GRIK1: variants seen among roughly 807,000 people sequenced by gnomAD.
The protein encoded by GRIK1 is glutamate ionotropic receptor kainate type subunit 1.
Under a neutral mutation model 105.7 loss-of-function variants are expected in GRIK1, and 69 were observed. The observed-to-expected ratio is 0.65, with a 90% CI of 0.54 to 0.80. The LOEUF (loss-of-function observed/expected upper bound fraction) is 0.80, where lower values mean the gene tolerates loss of function less well. GRIK1 is among the 30% of genes least tolerant of loss of function. The probability of loss-of-function intolerance (pLI) is 0.00; values close to 1 mark genes in which losing one functional copy is unlikely to be tolerated. For synonymous variants in GRIK1, 438 were observed against 431.3 expected, an observed-to-expected ratio of 1.02 and a Z score of -0.19; for missense variants, 1,109 against 1,167.3, an observed-to-expected ratio of 0.95 and a Z score of 0.73.
chr21:29,894,542 A>T (rs1254723151), intron 1 of GRIK1, among the ~76,000 whole-genome samples: 1 of 152,074 alleles, frequency 6.6e-6, no homozygotes, highest in Non-Finnish European at 1.5e-5. Flanking sequence ...ACCCAGACCG[A>T]GGATAGGTCT....
intron 1 of GRIK1, among the ~76,000 whole-genome samples, chr21:29,833,050 C>T (rs1348531107): frequency 6.6e-6 from 1 of 152,196 alleles, no homozygotes; most frequent in African/African-American, 2.4e-5. Context: ...TCATCACTCT[C>T]TGGTTCAAAG....
chr21:29,795,049 T>TTG (rs1388775876), intron 1 of GRIK1, among the ~76,000 whole-genome samples: 1 of 142,382 alleles, frequency 7.0e-6, no homozygotes, highest in Non-Finnish European at 1.5e-5. Flanking sequence ...TTTTTTTTTT[T>TTG]TTTTGAGATG....
intron 16 of GRIK1, among the ~76,000 whole-genome samples, chr21:29,549,856 C>T (rs1012138197): frequency 2.6e-5 from 4 of 151,862 alleles, no homozygotes; most frequent in Non-Finnish European, 5.9e-5. Flanking sequence ...GCTGTAATCT[C>T]AGCACTTTGG....
At chr21:29,890,210 A>G (rs189480614) in intron 1 of GRIK1, among the ~76,000 whole-genome samples, 86 of 152,310 alleles carry the variant, frequency 5.6e-4, no homozygotes, top group Non-Finnish European at 1.3e-4. Context: ...GATTAATTAC[A>G]AACTATGTTT....
rs140280910 is a variant in GRIK1, at chr21:29,594,215, G to A, written c.1251+2311C>T. ...TGTGTGTGTGTGTGTGTATGTGCAC[G>A]CATGTGTGTACCTGTGTCTTTTAAA... On this transcript the variant is annotated intron_variant, in intron 9 of 17. Transcript: ENST00000327783. Among the ~76,000 whole-genome samples, 243 of 152,186 alleles carry A rather than the reference G, an allele frequency of 1.6e-3. 2 individuals carry two copies. The highest frequency in any genetic ancestry group is 5.7e-3 in the African/African-American group (236 of 41,542).
chr21:29,745,978 C>T (rs1156822775), intron 1 of GRIK1, among the ~76,000 whole-genome samples: 2 of 152,104 alleles, frequency 1.3e-5, no homozygotes, highest in Non-Finnish European at 2.9e-5. Context: ...GTGGCGGGCG[C>T]CTGTAGTCCC....
chr21:29,905,949 GT>G (rs201491828), intron 1 of GRIK1, among the ~76,000 whole-genome samples: 1 of 126,348 alleles, frequency 7.9e-6, no homozygotes, highest in African/African-American at 3.3e-5. Context: ...TTTTTTGTTT[GT>G]TTGTTTGTTT....
At position 29,589,057 on chromosome 21, in the gene GRIK1, C is replaced by A; in HGVS notation, c.1366-15G>T. On this transcript the variant is annotated splice_polypyrimidine_tract_variant and intron_variant, in intron 10 of 17. Coordinates refer to ENST00000327783, the MANE Select transcript of GRIK1 (RefSeq NM_001330994.2). The stretch of plus-strand genomic sequence containing the variant: ...TAGGGTTCTTCCTAAATGAAACAAA[C>A]CAAATATGAAAACCCTGTTATAATG... The A allele has an allele frequency of 1.4e-6, 2 of 1,396,620 alleles. No homozygotes were observed. Among genetic ancestry groups the A allele is most frequent in the South Asian group, 1.2e-5 (1 of 84,014 alleles). The allele number at this position is 1,396,620 out of a possible 1,614,324, so 86.5% of individuals were successfully genotyped here. A position where few individuals can be genotyped will look rare whatever the true frequency, so the allele number is the denominator to read the frequency against.
At chr21:29,906,592 T>C (rs1303543182) in intron 1 of GRIK1, among the ~76,000 whole-genome samples, 1 of 152,162 alleles carries the variant, frequency 6.6e-6, no homozygotes, top group Non-Finnish European at 1.5e-5. Flanking sequence ...TTCATCTAGC[T>C]TTTGGTTTAT....
At chr21:29,607,896 T>G (rs1418520355) in intron 7 of GRIK1, among the ~76,000 whole-genome samples, 1 of 152,184 alleles carries the variant, frequency 6.6e-6, no homozygotes, top group South Asian at 2.1e-4. Context: ...TTTGGCAAAA[T>G]TTTTATATAA....
Position 29,560,412 on chromosome 21 carries a change from T to C in GRIK1, c.2356+1212A>G, listed in dbSNP as rs13050914. 7.1e-3 allele frequency among the ~76,000 whole-genome samples: 790 copies of C among 111,038 alleles called. 37 individuals are homozygous for C. The highest frequency in any genetic ancestry group is 0.016 in the African/African-American group (379 of 23,434). The allele number at this position is 111,038 out of a possible 152,430, so 72.8% of individuals were successfully genotyped here. A position where few individuals can be genotyped will look rare whatever the true frequency, so the allele number is the denominator to read the frequency against. ...TCCTTCCTTCCTTCCTTTCTTTCTTTCTTTCTTTCTTTCTTTCTTTCTTTC... is the reference window on the plus strand; with the variant it reads ...TCCTTCCTTCCTTCCTTTCTTTCTTCCTTTCTTTCTTTCTTTCTTTCTTTC... On this transcript the variant is annotated intron_variant, in intron 15 of 17. Transcript: ENST00000327783.
chr21:29,904,171 T>C (rs566622691), intron 1 of GRIK1, among the ~76,000 whole-genome samples: 1 of 152,110 alleles, frequency 6.6e-6, no homozygotes, highest in Admixed American at 6.5e-5. Flanking sequence ...ATACCAAATG[T>C]AGGTGACAGG....
chr21:29,641,523 C>T (rs1449060317), intron 7 of GRIK1, among the ~76,000 whole-genome samples: 1 of 152,058 alleles, frequency 6.6e-6, no homozygotes, highest in Non-Finnish European at 1.5e-5. Context: ...TGAAAATGGA[C>T]CAATAGACTT....
intron 3 of GRIK1, among the ~76,000 whole-genome samples, chr21:29,674,593 T>C (rs2063230830): frequency 6.6e-6 from 1 of 152,062 alleles, no homozygotes; most frequent in Non-Finnish European, 1.5e-5. Context: ...CAGGCTGTTC[T>C]TGTGGTAGTG....
At chr21:29,776,655 C>T (rs927133288) in intron 1 of GRIK1, among the ~76,000 whole-genome samples, 1 of 152,086 alleles carries the variant, frequency 6.6e-6, no homozygotes, top group African/African-American at 2.4e-5. Flanking sequence ...TTTTAACTCC[C>T]TGTTGATAAA....
chr21:29,581,611 C>G, intron 12 of GRIK1, 68 bp from the exon 13 acceptor site: 1 of 869,056 alleles, frequency 1.2e-6, no homozygotes, highest in South Asian at 1.5e-5. Flanking sequence ...AAAACCAAAA[C>G]CTGCTGAGCA....
In GRIK1 at chr21:29,565,255, G is replaced by A. The variant is rs113163921; in HGVS notation, c.2131-3406C>T. Among the ~76,000 whole-genome samples the A allele has an allele frequency of 8.3e-3, 1,263 of 152,272 alleles. 15 individuals are homozygous for A. Among genetic ancestry groups the A allele is most frequent in the African/African-American group, 0.029 (1,192 of 41,540 alleles). ...CTGTTATTTAGAGCTCTCTTTCGTC[G>A]TTTAAAAAGTTTGCTGTTGTGGGGC... is the stretch of plus-strand genomic sequence containing the variant. On this transcript the variant is annotated intron_variant, in intron 14 of 17. Transcript: ENST00000327783.
intron 1 of GRIK1, among the ~76,000 whole-genome samples, chr21:29,825,530 G>A (rs970107597): frequency 2.0e-5 from 3 of 152,024 alleles, no homozygotes; most frequent in African/African-American, 7.2e-5. Context: ...ACATGAATAT[G>A]TTAATACTAT....
At chr21:29,647,578 T>C (rs2146544119) in intron 6 of GRIK1, among the ~76,000 whole-genome samples, 1 of 152,348 alleles carries the variant, frequency 6.6e-6, no homozygotes, top group South Asian at 2.1e-4. Flanking sequence ...GAAAGGCAGA[T>C]GTCAGATCAA....
Sources: gnomAD v4.1 joint callset for allele counts (sites outside exome capture counted in the v4.1 genomes callset) on GRCh38, gnomAD v4.1.1 for gene constraint, MANE v1.5 for transcripts, NCBI Gene and HGNC (gene_info 2026-07-23, HGNC 2026-07-21) for gene names.